The following GPHN variants were observed in gnomAD, a reference collection of about 807,000 sequenced individuals.
GPHN encodes gephyrin.
GPHN carries 17 observed loss-of-function variants against 95.5 expected under a neutral mutation model. The observed-to-expected ratio is 0.18, with a 90% CI of 0.12 to 0.27. GPHN has a LOEUF of 0.27. Among genes scored for constraint, GPHN ranks in the 10% least tolerant of loss-of-function variants. The pLI is 1.00. For synonymous variants in GPHN, 320 were observed against 322.5 expected (o/e 0.99, Z 0.08); for missense variants, 660 against 978.1 (o/e 0.67, Z 4.34).
At chr14:66,822,330 G>A (rs978340581) in intron 3 of GPHN, among the ~76,000 whole-genome samples, 8 of 152,182 alleles carry the variant, frequency 5.3e-5, no homozygotes, top group African/African-American at 1.4e-4. Context: ...TGAACAGATC[G>A]TCTCCTTAGA....
intron 1 of GPHN, among the ~76,000 whole-genome samples, chr14:66,672,282 C>T (rs150808328): frequency 2.6e-5 from 4 of 151,932 alleles, no homozygotes; most frequent in East Asian, 3.9e-4. Context: ...AGTTTAATTC[C>T]GTTATGGTCT....
chr14:67,528,642 C>T, the GPHN span, among the ~76,000 whole-genome samples: 2 of 152,184 alleles, frequency 1.3e-5, no homozygotes, highest in African/African-American at 2.4e-5. Flanking sequence ...AACTCAGGTG[C>T]TCTTTCTCCC....
intron 2 of GPHN, among the ~76,000 whole-genome samples, chr14:66,714,554 C>T (rs914107052): frequency 3.3e-5 from 5 of 152,086 alleles, no homozygotes; most frequent in African/African-American, 1.2e-4. Flanking sequence ...TGTCTTGTTC[C>T]AGTTCTTAGA....
At chr14:67,371,425 A>T in the GPHN span, among the ~76,000 whole-genome samples, 1 of 151,992 alleles carries the variant, frequency 6.6e-6, no homozygotes. Flanking sequence ...CTCCCACCAA[A>T]AAAAAAAAAG....
downstream of GPHN, among the ~76,000 whole-genome samples, chr14:67,182,868 C>T (rs2083343788): frequency 8.9e-6 from 1 of 112,424 alleles, no homozygotes; most frequent in South Asian, 2.8e-4. Context: ...TTTGTAGAGG[C>T]ACAGTCTTGC....
chr14:66,874,281 A>C (rs2063561555), intron 4 of GPHN, among the ~76,000 whole-genome samples: 1 of 152,214 alleles, frequency 6.6e-6, no homozygotes, highest in South Asian at 2.1e-4. Flanking sequence ...AAGGTAGATA[A>C]ATCCACAAAG....
At chr14:67,570,021 C>T in the GPHN span, 1 of 1,545,596 alleles carries the variant, frequency 6.5e-7, no homozygotes, top group Non-Finnish European at 8.9e-7. Flanking sequence ...GGGTAAGAAA[C>T]TGCTGCACAA....
At chr14:67,163,006 T>C (rs1260129071) in intron 19 of GPHN, among the ~76,000 whole-genome samples, 1 of 152,178 alleles carries the variant, frequency 6.6e-6, no homozygotes, top group African/African-American at 2.4e-5. Flanking sequence ...TAGATGTTAC[T>C]TAAAAAATAG....
intron 4 of GPHN, among the ~76,000 whole-genome samples, chr14:66,863,638 A>G (rs2063118070): frequency 6.6e-6 from 1 of 152,238 alleles, no homozygotes; most frequent in Admixed American, 6.5e-5. Flanking sequence ...CCAATGGAAC[A>G]GAATAGAGAA....
At chr14:67,155,238 A>G (rs2081513066) in intron 18 of GPHN, among the ~76,000 whole-genome samples, 1 of 152,258 alleles carries the variant, frequency 6.6e-6, no homozygotes, top group African/African-American at 2.4e-5. Flanking sequence ...ACTGAAATTC[A>G]GCATCAAACT....
Position 66,924,226 on chromosome 14 carries a change from C to A in GPHN, c.762C>A (p.Val254=). 1 of 1,610,234 alleles carries A rather than the reference C, an allele frequency of 6.2e-7. No individual in the cohort carries two copies. ...KHPFYTSPAV[V]MAHGEQPIPG... is the part of the protein sequence containing the mutation. ...CATTCTACACCAGTCCTGCTGTTGTCATGGCACACGGTGAACAGCCCATCC... is the reference window on the plus strand; with the variant it reads ...CATTCTACACCAGTCCTGCTGTTGTAATGGCACACGGTGAACAGCCCATCC... Residue 254 remains valine (V), a synonymous_variant, in exon 8 of 23, where the codon GTC becomes GTA. Transcript: ENST00000478722.
At chr14:67,223,602 G>A in the GPHN span, 2 of 468,132 alleles carry the variant, frequency 4.3e-6, no homozygotes, top group Admixed American at 1.3e-4. Context: ...TCCACTCTGG[G>A]CTTGTTAAAT....
At chr14:67,509,465 C>T in the GPHN span, among the ~76,000 whole-genome samples, 1 of 152,122 alleles carries the variant, frequency 6.6e-6, no homozygotes, top group Non-Finnish European at 1.5e-5. Context: ...ACTACAGGCA[C>T]GAGCCGCCAT....
intron 18 of GPHN, among the ~76,000 whole-genome samples, chr14:67,151,577 TAC>T (rs1312228621): frequency 3.9e-5 from 6 of 152,152 alleles, no homozygotes; most frequent in African/African-American, 1.4e-4. Flanking sequence ...TTACCAAAGT[TAC>T]AGTTTTATTG....
intron 5 of GPHN, among the ~76,000 whole-genome samples, chr14:66,913,217 A>G (rs1410041641): frequency 6.6e-6 from 1 of 152,182 alleles, no homozygotes; most frequent in Non-Finnish European, 1.5e-5. Context: ...CTCCTCTATA[A>G]GTAAGCAAGT....
intron 2 of GPHN, among the ~76,000 whole-genome samples, chr14:66,731,314 G>T (rs2071747760): frequency 6.6e-6 from 1 of 152,208 alleles, no homozygotes; most frequent in African/African-American, 2.4e-5. Context: ...GGAATAGTTT[G>T]TAGGGCTCAA....
At chr14:67,703,021 T>C in the GPHN span, among the ~76,000 whole-genome samples, 4 of 152,178 alleles carry the variant, frequency 2.6e-5, no homozygotes, top group South Asian at 2.1e-4. Context: ...AGTCTCACTA[T>C]GTTGCCAGGG....
the GPHN span, among the ~76,000 whole-genome samples, chr14:67,326,343 G>A: frequency 1.5e-5 from 2 of 137,382 alleles, no homozygotes; most frequent in Non-Finnish European, 3.0e-5. Flanking sequence ...TGACCCTCCC[G>A]TCTCAGTATA....
intron 11 of GPHN, chr14:67,059,123 A>T (rs2075724434): frequency 8.1e-6 from 3 of 371,680 alleles, no homozygotes; most frequent in South Asian, 1.1e-4. Context: ...AAAGTAGTTA[A>T]CTCTGAGTCT....
Sources: gnomAD v4.1 joint callset for allele counts (sites outside exome capture counted in the v4.1 genomes callset) on GRCh38, gnomAD v4.1.1 for gene constraint, MANE v1.5 for transcripts, NCBI Gene and HGNC (gene_info 2026-07-23, HGNC 2026-07-21) for gene names.